PPP3CB: variants seen among roughly 807,000 people sequenced by gnomAD.
The protein encoded by PPP3CB is protein phosphatase 3 catalytic subunit beta, also known as serine/threonine-protein phosphatase 2B catalytic subunit beta isoform.
Under a neutral mutation model 66.4 loss-of-function variants are expected in PPP3CB, and 8 were observed. That is an observed-to-expected ratio of 0.12 (90% confidence interval 0.07 to 0.22). The LOEUF (loss-of-function observed/expected upper bound fraction) is 0.22, where lower values mean the gene tolerates loss of function less well. Among genes scored for constraint, PPP3CB ranks in the 10% least tolerant of loss-of-function variants. The probability of loss-of-function intolerance (pLI) is 1.00; values close to 1 mark genes in which losing one functional copy is unlikely to be tolerated. For missense variants in PPP3CB, 319 were observed against 642.5 expected (o/e 0.50, Z 5.44); for synonymous variants, 208 against 221.2 (o/e 0.94, Z 0.53).
At position 73,438,134 on chromosome 10, in the gene PPP3CB, C is replaced by A; in HGVS notation, c.*108G>T. The A allele has an allele frequency of 8.7e-7, 1 of 1,146,240 alleles. No individual in the cohort carries two copies. The highest frequency in any genetic ancestry group is 1.2e-6 in the Non-Finnish European group (1 of 811,804). 71.0% of individuals were successfully genotyped at this position (1,146,240 alleles called of 1,614,324 possible). On this transcript the variant is annotated 3_prime_UTR_variant, in exon 14 of 14. Transcript: ENST00000360663. ...TAGGGTCTCAGAAGCACAATGGTTT[C>A]TTCAGAGAGACTGTGAAATTTACAG...
chr10:73,477,695 T>C (rs1450800204), intron 3 of PPP3CB, among the ~76,000 whole-genome samples: 1 of 152,136 alleles, frequency 6.6e-6, no homozygotes, highest in African/African-American at 2.4e-5. Flanking sequence ...GGCAGGAGGA[T>C]CACTTGAGCC....
At chr10:73,460,455 T>A (rs1284183721) in intron 9 of PPP3CB, among the ~76,000 whole-genome samples, 1 of 151,768 alleles carries the variant, frequency 6.6e-6, no homozygotes. Context: ...GGTAATAGAA[T>A]CTAGAGACAA....
intron 4 of PPP3CB, among the ~76,000 whole-genome samples, chr10:73,473,870 TAAG>T (rs1454694437): frequency 2.0e-5 from 3 of 152,044 alleles, no homozygotes; most frequent in Non-Finnish European, 4.4e-5. Context: ...AAAAAAATTT[TAAG>T]AAGAATTTCA....
chr10:73,471,469 C>G lies in PPP3CB; in HGVS notation c.668G>C (p.Arg223Thr). 6.2e-7 allele frequency: 1 copy of G among 1,602,390 alleles called. No homozygotes were observed. The highest frequency in any genetic ancestry group is 8.5e-7 in the Non-Finnish European group (1 of 1,175,838). ...CTCGGAAGTAAAATATATACTTACT[C>G]TCCTAATATCATCCAGTGTGTGTAT... ...PEIHTLDDIR[R>T]LDRFKEPPAF... Residue 223 changes from arginine to threonine, a missense_variant and splice_region_variant, in exon 5 of 14, where the codon AGA becomes ACA. Arg to Thr is a moderately conservative substitution (Grantham distance 71). Transcript: ENST00000360663.
intron 9 of PPP3CB, among the ~76,000 whole-genome samples, chr10:73,464,857 G>A (rs998983771): frequency 1.3e-5 from 2 of 151,878 alleles, no homozygotes; most frequent in Admixed American, 6.6e-5. Flanking sequence ...CTTAAACCCG[G>A]GGGATGGACG....
chr10:73,440,016 A>G, intron 12 of PPP3CB, 115 bp from the exon 13 acceptor site: 3 of 1,076,754 alleles, frequency 2.8e-6, no homozygotes, highest in Non-Finnish European at 4.1e-6. Flanking sequence ...ATACTACATC[A>G]TCATTTAAAA....
chr10:73,446,344 C>T, intron 11 of PPP3CB, 148 bp downstream of exon 11: 2 of 702,648 alleles, frequency 2.8e-6, no homozygotes, highest in South Asian at 3.4e-5. Flanking sequence ...AGGTGATCCG[C>T]CCGCCTTGGC....
intron 10 of PPP3CB, among the ~76,000 whole-genome samples, chr10:73,447,816 A>C (rs1418485751): frequency 6.6e-6 from 1 of 152,082 alleles, no homozygotes; most frequent in African/African-American, 2.4e-5. Context: ...TGAGCACTGA[A>C]GCTACAGCTT....
intron 12 of PPP3CB, among the ~76,000 whole-genome samples, chr10:73,443,338 G>GAAAA (rs1239840848): frequency 3.8e-5 from 5 of 130,518 alleles, no homozygotes; most frequent in Admixed American, 3.1e-4. Flanking sequence ...GAAAAAGAAA[G>GAAAA]AGAAGAGAAG....
At chr10:73,473,269 T>C (rs2056731791) in intron 4 of PPP3CB, among the ~76,000 whole-genome samples, 1 of 152,350 alleles carries the variant, frequency 6.6e-6, no homozygotes, top group South Asian at 2.1e-4. Context: ...ATGACCTTTA[T>C]TGGATCATGT....
chr10:73,469,568 T>TA (rs1487768515), intron 8 of PPP3CB, among the ~76,000 whole-genome samples: 3 of 152,114 alleles, frequency 2.0e-5, no homozygotes, highest in Non-Finnish European at 4.4e-5. Context: ...AATCAAAACT[T>TA]AGATATGTTT....
intron 10 of PPP3CB, among the ~76,000 whole-genome samples, chr10:73,450,446 T>C (rs569776716): frequency 1.3e-5 from 2 of 152,314 alleles, no homozygotes; most frequent in South Asian, 4.1e-4. Context: ...TTAGTATCTA[T>C]CCGAATCTCC....
chr10:73,462,338 C>T (rs2056536526), intron 9 of PPP3CB, among the ~76,000 whole-genome samples: 1 of 151,268 alleles, frequency 6.6e-6, no homozygotes, highest in Non-Finnish European at 1.5e-5. Flanking sequence ...TTTCTTTATA[C>T]AATTTTTTAA....
chr10:73,442,566 T>G (rs542281013), intron 12 of PPP3CB, among the ~76,000 whole-genome samples: 1 of 152,346 alleles, frequency 6.6e-6, no homozygotes, highest in South Asian at 2.1e-4. Flanking sequence ...TTCATCCTTT[T>G]CTATTAACAT....
chr10:73,448,077 G>C (rs1017235941), intron 10 of PPP3CB, among the ~76,000 whole-genome samples: 2 of 152,248 alleles, frequency 1.3e-5, no homozygotes, highest in South Asian at 2.1e-4. Flanking sequence ...TCTAATAAAT[G>C]ATTATAAACA....
At chr10:73,442,264 T>C (rs1031019417) in intron 12 of PPP3CB, among the ~76,000 whole-genome samples, 2 of 152,168 alleles carry the variant, frequency 1.3e-5, no homozygotes, top group African/African-American at 4.8e-5. Context: ...CCAGCAAAGC[T>C]GCTGTCTTTC....
At chr10:73,449,691 G>GCAAAT in intron 10 of PPP3CB, among the ~76,000 whole-genome samples, 1 of 152,176 alleles carries the variant, frequency 6.6e-6, no homozygotes, top group East Asian at 1.9e-4. Flanking sequence ...TTATACATTA[G>GCAAAT]TGTTAATGCA....
intron 12 of PPP3CB, among the ~76,000 whole-genome samples, chr10:73,443,255 AGAGAGAG>A: frequency 2.9e-5 from 4 of 137,582 alleles, no homozygotes; most frequent in African/African-American, 6.0e-5. Context: ...AGAGAAAGAG[AGAGAGAG>A]AGAGAGAAAG....
chr10:73,444,720 A>AT lies in PPP3CB; in HGVS notation c.1366+4dup. ...GAGGCACAGCAAGTTGCATAACATC[A>AT]TTACCACTTTGCAGGGTCTGCCGTC... On this transcript the variant is annotated splice_donor_region_variant and intron_variant, in intron 12 of 13. Transcript: ENST00000360663. The AT allele has an allele frequency of 1.2e-6, 2 of 1,614,134 alleles. No homozygotes were observed. Among genetic ancestry groups the AT allele is most frequent in the African/African-American group, 2.7e-5 (2 of 75,038 alleles).
Sources: gnomAD v4.1 joint callset for allele counts (sites outside exome capture counted in the v4.1 genomes callset) on GRCh38, gnomAD v4.1.1 for gene constraint, MANE v1.5 for transcripts, NCBI Gene and HGNC (gene_info 2026-07-23, HGNC 2026-07-21) for gene names.